Variants in THSD4 observed in about 807,000 individuals in gnomAD.
The protein encoded by THSD4 is thrombospondin type 1 domain containing 4.
In THSD4, 69 loss-of-function variants were observed where a neutral mutation model predicts 119.0. That is an observed-to-expected ratio of 0.58 (90% CI 0.48 to 0.71). THSD4 has a LOEUF of 0.71. Ranked by LOEUF, THSD4 falls within the 30% of genes least tolerant of loss-of-function variation. The pLI is 0.00. For synonymous variants in THSD4, 524 were observed against 540.4 expected, an observed-to-expected ratio of 0.97 and a Z score of 0.42; for missense variants, 1,393 against 1,391.1, an observed-to-expected ratio of 1.00 and a Z score of -0.02.
intron 6 of THSD4, among the ~76,000 whole-genome samples, chr15:71,377,536 G>A (rs1306227840): frequency 6.6e-6 from 1 of 152,058 alleles, no homozygotes; most frequent in African/African-American, 2.4e-5. Context: ...GTAGTGACAG[G>A]GATGCAAAGG....
chr15:71,430,558 T>C (rs2046928994), intron 7 of THSD4, among the ~76,000 whole-genome samples: 1 of 151,956 alleles, frequency 6.6e-6, no homozygotes, highest in Non-Finnish European at 1.5e-5. Context: ...TTCTCTCTTT[T>C]TGAGCCTGGC....
rs557011476 is a variant in THSD4, at chr15:71,596,427, C to T, written c.1153-64103C>T. On this transcript the variant is annotated intron_variant, in intron 7 of 17. Transcript: ENST00000261862. The stretch of plus-strand genomic sequence containing the variant: ...AGTGGCCATCTGTTTTTCTGATGCA[C>T]TAAATGCATCAGTGCCTCATCTTCC... 6.6e-5 allele frequency among the ~76,000 whole-genome samples: 10 copies of T among 152,258 alleles called. No homozygotes were observed. The East Asian group carries it at 1.9e-3, about 29-fold the overall frequency.
intron 8 of THSD4, among the ~76,000 whole-genome samples, chr15:71,726,360 G>A (rs1458731145): frequency 6.6e-6 from 1 of 152,110 alleles, no homozygotes; most frequent in Non-Finnish European, 1.5e-5. Context: ...TTGTAGGAAC[G>A]CGGCTGAAAA....
intron 3 of THSD4, among the ~76,000 whole-genome samples, chr15:71,174,194 C>T (rs1482152286): frequency 2.0e-5 from 3 of 152,126 alleles, no homozygotes; most frequent in Non-Finnish European, 4.4e-5. Context: ...CCAGCGTGAG[C>T]GACGCAGAAG....
At chr15:71,408,339 CCT>C (rs2046635858) in intron 6 of THSD4, among the ~76,000 whole-genome samples, 1 of 152,100 alleles carries the variant, frequency 6.6e-6, no homozygotes. Flanking sequence ...CTCAAAGGAT[CCT>C]CTCACCTCAG....
intron 3 of THSD4, among the ~76,000 whole-genome samples, chr15:71,199,596 GA>G (rs2043757734): frequency 2.5e-4 from 26 of 102,258 alleles, no homozygotes; most frequent in African/African-American, 1.1e-3. Context: ...GGGTGTGTGT[GA>G]TGTATGGTGT....
intron 7 of THSD4, among the ~76,000 whole-genome samples, chr15:71,591,653 A>G (rs1279363106): frequency 6.6e-6 from 1 of 152,038 alleles, no homozygotes; most frequent in East Asian, 1.9e-4. Context: ...TGTTGGGAGT[A>G]TGAGGCCCAG....
At chr15:71,637,744 A>T (rs541930130) in intron 7 of THSD4, among the ~76,000 whole-genome samples, 18 of 148,462 alleles carry the variant, frequency 1.2e-4, no homozygotes, top group African/African-American at 3.5e-4. Context: ...TTTTTTTTTG[A>T]GACGGAGTTT....
chr15:71,377,815 T>G (rs2046160239), intron 6 of THSD4, among the ~76,000 whole-genome samples: 1 of 150,230 alleles, frequency 6.7e-6, no homozygotes, highest in South Asian at 2.1e-4. Context: ...TCCTGTTCTT[T>G]CCTGCTTGTG....
intron 7 of THSD4, among the ~76,000 whole-genome samples, chr15:71,623,871 C>G (rs1364978580): frequency 1.4e-5 from 2 of 146,880 alleles, no homozygotes; most frequent in African/African-American, 5.0e-5. Flanking sequence ...TGCAGTGAGC[C>G]GAGATGGCGC....
intron 1 of THSD4, among the ~76,000 whole-genome samples, chr15:71,136,583 G>A (rs2040553546): frequency 6.6e-6 from 1 of 152,026 alleles, no homozygotes; most frequent in Non-Finnish European, 1.5e-5. Context: ...TTGCCAGTGA[G>A]TCACTTCCCC....
intron 5 of THSD4, among the ~76,000 whole-genome samples, chr15:71,251,409 A>C (rs936832556): frequency 6.6e-6 from 1 of 151,806 alleles, no homozygotes; most frequent in African/African-American, 2.4e-5. Flanking sequence ...CCCCATAAAA[A>C]CCCCTGGGGA....
intron 7 of THSD4, among the ~76,000 whole-genome samples, chr15:71,477,295 A>C (rs193196851): frequency 6.6e-6 from 1 of 152,208 alleles, no homozygotes; most frequent in African/African-American, 2.4e-5. Context: ...GAACATAAAC[A>C]GACTGCTAGT....
chr15:71,132,486 G>A (rs1374385551), intron 1 of THSD4, among the ~76,000 whole-genome samples: 2 of 152,180 alleles, frequency 1.3e-5, no homozygotes, highest in East Asian at 1.9e-4. Context: ...ATATGTATAA[G>A]CATTATGCAT....
At chr15:71,150,195 A>G (rs1443519272) in intron 2 of THSD4, among the ~76,000 whole-genome samples, 1 of 152,238 alleles carries the variant, frequency 6.6e-6, no homozygotes, top group Non-Finnish European at 1.5e-5. Context: ...GTGAAATAAC[A>G]CACGAGTTGC....
intron 7 of THSD4, among the ~76,000 whole-genome samples, chr15:71,500,826 A>G (rs1164704075): frequency 6.6e-6 from 1 of 152,168 alleles, no homozygotes; most frequent in Non-Finnish European, 1.5e-5. Flanking sequence ...CTTCTGTTGC[A>G]TTGGTCTCCA....
chr15:71,748,369 C>G (rs1209910849), intron 13 of THSD4, 52 bp from the exon 14 acceptor site: 1 of 1,603,320 alleles, frequency 6.2e-7, no homozygotes, highest in African/African-American at 1.3e-5. Flanking sequence ...TGGCAATTCT[C>G]TCCCAGAGCT....
intron 7 of THSD4, among the ~76,000 whole-genome samples, chr15:71,542,526 A>G (rs1282493883): frequency 6.6e-6 from 1 of 152,196 alleles, no homozygotes; most frequent in Admixed American, 6.5e-5. Context: ...TTTTGCTTCT[A>G]TAGTATTCTT....
At chr15:71,368,773 T>G (rs570404893) in intron 6 of THSD4, among the ~76,000 whole-genome samples, 1 of 152,336 alleles carries the variant, frequency 6.6e-6, no homozygotes, top group East Asian at 1.9e-4. Context: ...TGTGCGCTCT[T>G]TTTTGGTTCC....
Sources: allele counts gnomAD v4.1 joint callset (sites outside exome capture counted in the v4.1 genomes callset), GRCh38; gene constraint gnomAD v4.1.1; transcripts MANE v1.5; gene names NCBI Gene and HGNC (gene_info 2026-07-23, HGNC 2026-07-21).